The following BCAT1 variants were observed in gnomAD, a reference collection of about 807,000 sequenced individuals.
BCAT1 encodes branched chain amino acid transaminase 1.
Under a neutral mutation model 52.4 loss-of-function variants are expected in BCAT1, and 48 were observed. That is an observed-to-expected ratio of 0.92 (90% CI 0.73 to 1.16). The LOEUF is 1.16. Among genes scored for constraint, BCAT1 ranks in the 50% most tolerant of loss-of-function variants. The pLI, the probability that BCAT1 is intolerant of heterozygous loss-of-function variation, is 0.00. For missense variants in BCAT1, 451 were observed against 457.1 expected (o/e 0.99, Z 0.12); for synonymous variants, 167 against 161.3 (o/e 1.04, Z -0.27).
intron 1 of BCAT1, among the ~76,000 whole-genome samples, chr12:24,907,619 T>C (rs1382536213): frequency 1.3e-5 from 2 of 152,244 alleles, no homozygotes; most frequent in Non-Finnish European, 2.9e-5. Flanking sequence ...TACTTTGTGA[T>C]ATTTCCCCAC....
intron 10 of BCAT1, among the ~76,000 whole-genome samples, chr12:24,818,597 A>G (rs954455507): frequency 6.6e-6 from 1 of 152,192 alleles, no homozygotes; most frequent in African/African-American, 2.4e-5. Context: ...TGCACTAAAG[A>G]GTGTTTTATG....
chr12:24,864,894 C>G (rs1941960074), intron 5 of BCAT1, among the ~76,000 whole-genome samples: 1 of 152,218 alleles, frequency 6.6e-6, no homozygotes, highest in Admixed American at 6.5e-5. Context: ...CAGGCCTCAT[C>G]TCACTGTGGC....
intron 5 of BCAT1, among the ~76,000 whole-genome samples, chr12:24,861,816 A>C (rs1484283560): frequency 6.6e-6 from 1 of 152,252 alleles, no homozygotes; most frequent in African/African-American, 2.4e-5. Context: ...CAAGACAGAT[A>C]CAGGTCACAA....
chr12:24,846,291 C>G (rs1941342865), intron 6 of BCAT1, among the ~76,000 whole-genome samples: 1 of 152,156 alleles, frequency 6.6e-6, no homozygotes, highest in Non-Finnish European at 1.5e-5. Flanking sequence ...TTCCCCCAAA[C>G]AAGTTTTAAT....
chr12:24,826,650 T>C (rs1019247653), intron 10 of BCAT1, among the ~76,000 whole-genome samples: 5 of 152,190 alleles, frequency 3.3e-5, no homozygotes, highest in Non-Finnish European at 7.4e-5. Context: ...CATTTTAGGA[T>C]TGTTTTTTCT....
chr12:24,898,520 C>CTTTTTTTT (rs71448094), intron 2 of BCAT1, among the ~76,000 whole-genome samples: 5,951 of 38,222 alleles, frequency 0.16, 1,861 homozygotes, highest in East Asian at 0.2. Context: ...TCAGTCAACA[C>CTTTTTTTT]TTTTTTTTTT....
At chr12:24,848,631 T>A (rs756490474) in intron 6 of BCAT1, among the ~76,000 whole-genome samples, 2 of 152,190 alleles carry the variant, frequency 1.3e-5, no homozygotes, top group Non-Finnish European at 2.9e-5. Flanking sequence ...ATATATGGTA[T>A]ATATATGGTA....
In BCAT1 at chr12:24,814,854, A is replaced by G. The variant is rs1939822440; in HGVS notation, c.*3154T>C. The G allele has an allele frequency of 6.7e-6, 1 of 148,616 alleles. No homozygotes were observed. Among genetic ancestry groups the G allele is most frequent in the African/African-American group, 2.5e-5 (1 of 39,856 alleles). The allele number at this position is 148,616 out of a possible 1,614,324, so 9.2% of individuals were successfully genotyped here. A position where few individuals can be genotyped will look rare whatever the true frequency, so the allele number is the denominator to read the frequency against. ...TTTTTTCTTACAGCAATCTTTTGAG[A>G]AAAGAATAGAGAATGTTTACCAGGT... On this transcript the variant is annotated 3_prime_UTR_variant, in exon 11 of 11. Transcript: ENST00000261192.
intron 5 of BCAT1, among the ~76,000 whole-genome samples, chr12:24,874,446 G>T (rs1347235862): frequency 6.6e-6 from 1 of 152,200 alleles, no homozygotes; most frequent in South Asian, 2.1e-4. Context: ...TTATATGGCA[G>T]TGACTGAATC....
chr12:24,850,334 AAT>A (rs1229618156), intron 5 of BCAT1, among the ~76,000 whole-genome samples: 1 of 152,158 alleles, frequency 6.6e-6, no homozygotes, highest in African/African-American at 2.4e-5. Context: ...TGGGGGGTAA[AAT>A]ATAATATTTA....
In BCAT1 at chr12:24,815,036, C is replaced by T. The variant is rs991814953; in HGVS notation, c.*2972G>A. On this transcript the variant is annotated 3_prime_UTR_variant, in exon 11 of 11. Transcript: ENST00000261192. ...ATGGAACACATCTCTGAAGTCAACT[C>T]TTCTTTTGGTGTATCACGAGTTGAA... 2.6e-5 allele frequency: 4 copies of T among 152,248 alleles called. No homozygotes were observed. The highest frequency in any genetic ancestry group is 9.6e-5 in the African/African-American group (4 of 41,566). The allele number at this position is 152,248 out of a possible 1,614,324, so 9.4% of individuals were successfully genotyped here. A position where few individuals can be genotyped will look rare whatever the true frequency, so the allele number is the denominator to read the frequency against.
intron 4 of BCAT1, among the ~76,000 whole-genome samples, chr12:24,880,836 TG>T (rs1942469918): frequency 7.8e-5 from 1 of 12,894 alleles, no homozygotes. Flanking sequence ...TTGGGTTTTT[TG>T]TTTTTTGTTT....
intron 6 of BCAT1, among the ~76,000 whole-genome samples, chr12:24,844,051 G>A (rs953322328): frequency 6.6e-6 from 1 of 152,166 alleles, no homozygotes; most frequent in African/African-American, 2.4e-5. Context: ...GAAGAAAAAG[G>A]GGGATGTGCA....
chr12:24,840,364 G>A (rs924588016), intron 7 of BCAT1, among the ~76,000 whole-genome samples: 4 of 152,170 alleles, frequency 2.6e-5, no homozygotes, highest in African/African-American at 9.7e-5. Context: ...GGGCAGATGG[G>A]AAGAAGGGTT....
intron 1 of BCAT1, among the ~76,000 whole-genome samples, chr12:24,910,093 G>A (rs1943292886): frequency 6.6e-6 from 1 of 152,158 alleles, no homozygotes; most frequent in African/African-American, 2.4e-5. Context: ...ATTATTGTTG[G>A]CCATGCACAG....
chr12:24,900,103 A>G (rs2173606), intron 2 of BCAT1, among the ~76,000 whole-genome samples: 46,322 of 152,044 alleles, frequency 0.3, 7,208 homozygotes, highest in Middle Eastern at 0.45. Flanking sequence ...TATCAAAAAC[A>G]AAGATGGTCT....
Position 24,918,352 on chromosome 12 carries a change from G to T in BCAT1, c.7-16467C>A, listed in dbSNP as rs544812098. On this transcript the variant is annotated intron_variant, in intron 1 of 10. Transcript: ENST00000261192. ...AAGGTAACCGGCCAGTGCTCCCTAG[G>T]CTCATAGAGGACCCAACAACCACAC... Among the ~76,000 whole-genome samples the T allele has an allele frequency of 2.4e-4, 36 of 152,262 alleles. 1 individual carries two copies. The highest frequency in any genetic ancestry group is 8.4e-4 in the African/African-American group (35 of 41,546).
chr12:24,948,755 C>G lies in BCAT1; in HGVS notation c.6+172G>C, dbSNP rs73293790. Among the ~76,000 whole-genome samples, 1,311 of 152,268 alleles carry G rather than the reference C, an allele frequency of 8.6e-3. 20 individuals carry two copies. The highest frequency in any genetic ancestry group is 0.06 in the East Asian group (311 of 5,186). On this transcript the variant is annotated intron_variant, in intron 1 of 10. Transcript: ENST00000261192. ...TAAACCGAAATCTGAACAGAATGCA[C>G]GGTCCCCGCAAACTACGATTGATAA...
Position 24,928,109 on chromosome 12 carries a change from C to G in BCAT1, c.6+20818G>C, listed in dbSNP as rs115681570. ...AAAAGAAAACAAAATTCTTAAAACTCTCTAAAATTATTTATTATGCCAAGG... is the reference window on the plus strand; with the variant it reads ...AAAAGAAAACAAAATTCTTAAAACTGTCTAAAATTATTTATTATGCCAAGG... On this transcript the variant is annotated intron_variant, in intron 1 of 10. Transcript: ENST00000261192. Among the ~76,000 whole-genome samples the G allele has an allele frequency of 2.3e-3, 347 of 152,300 alleles. 4 individuals carry two copies. The highest frequency in any genetic ancestry group is 7.9e-3 in the African/African-American group (328 of 41,558).
Sources: gnomAD v4.1 joint callset for allele counts (sites outside exome capture counted in the v4.1 genomes callset) on GRCh38, gnomAD v4.1.1 for gene constraint, MANE v1.5 for transcripts, NCBI Gene and HGNC (gene_info 2026-07-23, HGNC 2026-07-21) for gene names.